The following SUCO variants were observed in gnomAD, a reference collection of about 807,000 sequenced individuals.
SUCO encodes the protein SUN domain-containing ossification factor.
SUCO carries 57 observed loss-of-function variants against 148.1 expected under a neutral mutation model. That is an observed-to-expected ratio of 0.38 (90% CI 0.31 to 0.48). The LOEUF (loss-of-function observed/expected upper bound fraction) is 0.48. SUCO is among the 20% of genes least tolerant of loss of function. SUCO has a pLI of 0.96. For missense variants in SUCO, 1,331 were observed against 1,468.2 expected, an observed-to-expected ratio of 0.91 and a Z score of 1.53; for synonymous variants, 470 against 502.7, an observed-to-expected ratio of 0.93 and a Z score of 0.87.
Position 172,578,383 on chromosome 1 carries a change from G to C in SUCO, c.1426G>C (p.Asp476His). ...HSERQELFDEDYDYPLDYNTG... is the reference protein window; with the variant it reads ...HSERQELFDEHYDYPLDYNTG... ...AGAACGCCAGGAACTATTTGATGAGGACTATGGTAAGTGACATCAAACAGA... is the reference window on the plus strand; with the variant it reads ...AGAACGCCAGGAACTATTTGATGAGCACTATGGTAAGTGACATCAAACAGA... Residue 476 changes from aspartate (D) to histidine (H), a missense_variant, in exon 14 of 24, where the codon GAC becomes CAC. Coordinates refer to ENST00000263688, the MANE Select transcript of SUCO (RefSeq NM_014283.5). 1 of 1,610,698 alleles carries C rather than the reference G, an allele frequency of 6.2e-7. No homozygotes were observed. The highest frequency in any genetic ancestry group is 1.3e-5 in the African/African-American group (1 of 74,930).
intron 15 of SUCO, among the ~76,000 whole-genome samples, chr1:172,581,112 A>C (rs1446668716): frequency 3.3e-5 from 5 of 152,112 alleles, no homozygotes; most frequent in Non-Finnish European, 7.4e-5. Context: ...AAACAAAACA[A>C]AACAAAACAA....
At chr1:172,549,526 C>T (rs1276095887) in intron 1 of SUCO, among the ~76,000 whole-genome samples, 1 of 151,900 alleles carries the variant, frequency 6.6e-6, no homozygotes, top group Admixed American at 6.6e-5. Flanking sequence ...TCATTGCAAG[C>T]CATTGGATAT....
chr1:172,551,915 A>C (rs1222516804), intron 2 of SUCO: 3 of 189,524 alleles, frequency 1.6e-5, no homozygotes, highest in Non-Finnish European at 3.2e-5. Flanking sequence ...AATGATCTAT[A>C]ATAGAGTTTT....
Position 172,557,693 on chromosome 1 carries a change from A to G in SUCO, c.631A>G (p.Lys211Glu), listed in dbSNP as rs770645022. 2.5e-6 allele frequency: 4 copies of G among 1,613,100 alleles called. No individual in the cohort carries two copies. Among genetic ancestry groups the G allele is most frequent in the African/African-American group, 1.3e-5 (1 of 74,886 alleles). Residue 211 changes from lysine (K) to glutamate (E), a missense_variant, in exon 6 of 24, where the codon AAG becomes GAG. By Grantham distance (56) the Lys-to-Glu change is moderately conservative. Transcript: ENST00000263688. ...TGTATCATCTTCACATGGTAAAGGA[A>G]AGATAACAAAATCAGAATTTGAATC... ...ENVSSSHGKG[K>E]ITKSEFESKV...
chr1:172,534,376 TCTAGGCGA>T lies in SUCO; in HGVS notation c.62+880_62+887del, dbSNP rs1263688503. On this transcript the variant is annotated intron_variant, in intron 1 of 23. Coordinates refer to ENST00000263688, the MANE Select transcript of SUCO (RefSeq NM_014283.5). ...GATGACTGAAAAGATGCTTCTTCAG[TCTAGGCGA>T]TTTGCTGTTTGTTATATTAAAATAG... 2.8e-4 allele frequency among the ~76,000 whole-genome samples: 43 copies of T among 152,308 alleles called. 1 individual carries two copies. In the South Asian group the frequency reaches 8.9e-3, roughly 32 times the overall value.
At chr1:172,590,466 C>T (rs1018590933) in intron 18 of SUCO, 1 of 537,694 alleles carries the variant, frequency 1.9e-6, no homozygotes, top group African/African-American at 2.1e-5. Context: ...TTCATTAAGA[C>T]ACCAGGCCTG....
At chr1:172,593,749 G>A (rs1265053441) in intron 19 of SUCO, among the ~76,000 whole-genome samples, 1 of 152,156 alleles carries the variant, frequency 6.6e-6, no homozygotes, top group Admixed American at 6.5e-5. Flanking sequence ...GTTTTGTTGT[G>A]TCTCTGCCAG....
At position 172,588,897 on chromosome 1, in the gene SUCO, G is replaced by A. The variant is rs754062598; in HGVS notation, c.1796G>A (p.Gly599Asp). Residue 599 changes from glycine to aspartate, a missense_variant, in exon 18 of 24, where the codon GGT becomes GAT. Physicochemically the swap from Gly to Asp is moderately conservative, Grantham distance 94. This residue lies in a region of SUCO where 992 missense variants were observed against 1,093.5 expected (regional missense o/e 0.91). Transcript: ENST00000263688. ...TCTACAGTGACCCTTCTGGGCAGCG[G>A]TGAACAGGAAGATGAATCATCACCC... ...SPSTVTLLGS[G>D]EQEDESSPWF... 6.2e-7 allele frequency: 1 copy of A among 1,613,406 alleles called. No individual in the cohort carries two copies. Among genetic ancestry groups the A allele is most frequent in the South Asian group, 1.1e-5 (1 of 91,000 alleles).
At chr1:172,607,854 C>A (rs1261691753) in intron 22 of SUCO, among the ~76,000 whole-genome samples, 14 of 151,790 alleles carry the variant, frequency 9.2e-5, no homozygotes, top group Admixed American at 9.2e-4. Flanking sequence ...CTCAATAAAT[C>A]TCTGAAATAT....
chr1:172,589,996 G>A, intron 18 of SUCO, 70 bp downstream of exon 18: 2 of 1,232,712 alleles, frequency 1.6e-6, no homozygotes, highest in Non-Finnish European at 2.2e-6. Flanking sequence ...TATGACCTGT[G>A]ATTACAGGAG....
chr1:172,551,659 G>C (rs775685143), intron 2 of SUCO, 33 bp downstream of exon 2: 46 of 1,385,214 alleles, frequency 3.3e-5, no homozygotes, highest in Non-Finnish European at 7.1e-6. Context: ...TATAATTTGT[G>C]TGTCAGCTTT....
At chr1:172,575,179 A>G (rs1655345226) in intron 10 of SUCO, among the ~76,000 whole-genome samples, 1 of 152,002 alleles carries the variant, frequency 6.6e-6, no homozygotes, top group Non-Finnish European at 1.5e-5. Flanking sequence ...ACTTTACATT[A>G]TTACACACAT....
At chr1:172,577,160 G>A in intron 11 of SUCO, 2 of 250,534 alleles carry the variant, frequency 8.0e-6, no homozygotes, top group Non-Finnish European at 1.3e-5. Context: ...TTCATATATG[G>A]ATATATACTT....
chr1:172,605,154 C>A (rs987053500), intron 22 of SUCO, among the ~76,000 whole-genome samples: 1 of 151,664 alleles, frequency 6.6e-6, no homozygotes, highest in African/African-American at 2.4e-5. Context: ...TTGATTGTGT[C>A]CTTGGATGTA....
chr1:172,588,471 T>C, intron 17 of SUCO: 5 of 985,282 alleles, frequency 5.1e-6, no homozygotes, highest in Non-Finnish European at 6.0e-6. Flanking sequence ...AAGTATTCAC[T>C]TAGAAACAAT....
At position 172,610,181 on chromosome 1, in the gene SUCO, C is replaced by G; in HGVS notation, c.3687C>G (p.Ser1229Arg). The G allele has an allele frequency of 6.2e-7, 1 of 1,613,342 alleles. No individual in the cohort carries two copies. Among genetic ancestry groups the G allele is most frequent in the Non-Finnish European group, 8.5e-7 (1 of 1,179,760 alleles). Residue 1229 changes from serine to arginine, a missense_variant, in exon 24 of 24, where the codon AGC becomes AGG. Ser to Arg is a moderately radical substitution (Grantham distance 110). This residue lies in a region of SUCO where 334 missense variants were observed against 352.3 expected (regional missense o/e 0.95). Transcript: ENST00000263688. Reference sequence around the variant, plus strand: ...AGACTAAGTCGGGATCATTGCCGAGCCTGCATGACATAATCAAAGGAAACA... The same window carrying G: ...AGACTAAGTCGGGATCATTGCCGAGGCTGCATGACATAATCAAAGGAAACA... ...LIQTKSGSLP[S>R]LHDIIKGNKE... is the part of the protein sequence containing the mutation.
chr1:172,574,927 A>C lies in SUCO; in HGVS notation c.1158-591A>C, dbSNP rs1048781541. 1.7e-5 allele frequency: 17 copies of C among 983,188 alleles called. No individual in the cohort carries two copies. In the African/African-American group the frequency reaches 2.3e-4, roughly 13 times the overall value. 60.9% of individuals were successfully genotyped at this position (983,188 alleles called of 1,614,324 possible). ...GTTCACTTCTTTTTCTCTCAGCTGC[A>C]ATTTTCTTATATGTCAAATGAACAT... On this transcript the variant is annotated intron_variant, in intron 10 of 23. Transcript: ENST00000263688.
chr1:172,605,841 G>T (rs1227531041), intron 22 of SUCO, among the ~76,000 whole-genome samples: 1 of 151,584 alleles, frequency 6.6e-6, no homozygotes, highest in African/African-American at 2.4e-5. Context: ...TGCATTTTCA[G>T]CAATGTTAAA....
chr1:172,565,089 G>GTTCTA (rs1352113205), intron 6 of SUCO, among the ~76,000 whole-genome samples: 5 of 150,172 alleles, frequency 3.3e-5, no homozygotes, highest in South Asian at 2.1e-4. Flanking sequence ...GTTCTGTTCT[G>GTTCTA]TTCTATTCTA....
Sources: allele counts gnomAD v4.1 joint callset (sites outside exome capture counted in the v4.1 genomes callset), GRCh38; gene constraint gnomAD v4.1.1; regional missense constraint gnomAD v4.1.1; transcripts MANE v1.5; gene names NCBI Gene and HGNC (gene_info 2026-07-23, HGNC 2026-07-21).